Variants in PTPRU observed in about 807,000 individuals in gnomAD.
PTPRU encodes the protein receptor-type tyrosine-protein phosphatase U.
In PTPRU, 69 loss-of-function variants were observed where a neutral mutation model predicts 166.3. The observed-to-expected ratio is 0.41, with a 90% CI of 0.34 to 0.51. The LOEUF (loss-of-function observed/expected upper bound fraction) is 0.51. PTPRU is among the 20% of genes least tolerant of loss of function. The pLI is 0.09. For synonymous variants in PTPRU, 793 were observed against 814.0 expected (o/e 0.97, Z 0.44); for missense variants, 1,657 against 2,013.7 (o/e 0.82, Z 3.39).
At position 29,291,783 on chromosome 1, in the gene PTPRU, C is replaced by T. The variant is rs1162680818; in HGVS notation, c.2319-86C>T. 6.3e-6 allele frequency: 9 copies of T among 1,430,896 alleles called. No individual in the cohort carries two copies. Among genetic ancestry groups the T allele is most frequent in the Non-Finnish European group, 6.7e-6 (7 of 1,046,480 alleles). 88.6% of individuals were successfully genotyped at this position (1,430,896 alleles called of 1,614,324 possible). A position where few individuals can be genotyped will look rare whatever the true frequency, so the allele number is the denominator to read the frequency against. ...GCTGCTGGCTCCTGGCCTTGAGGTC[C>T]CCTTACTCCAGGGCCTCCCCAGCCA... is the stretch of plus-strand genomic sequence containing the variant. On this transcript the variant is annotated intron_variant, in intron 14 of 29. Coordinates refer to ENST00000373779, the MANE Select transcript of PTPRU (RefSeq NM_133178.4). The surrounding 1 kb of genome is among the most constrained non-coding windows in gnomAD (Gnocchi z 4.1).
rs1278410203 is a variant in PTPRU at position 29,237,637 on chromosome 1, C to CGGGCAGGGCCCGAGGCTCAGGGGA, written c.73+923_73+946dup. Reference sequence around the variant, plus strand: ...GCGGCGCCCCCTGGGCTGCCCGGGTCGGGCAGGGCCCGAGGCTCAGGGGAG... The same window carrying CGGGCAGGGCCCGAGGCTCAGGGGA: ...GCGGCGCCCCCTGGGCTGCCCGGGTCGGGCAGGGCCCGAGGCTCAGGGGAGGGCAGGGCCCGAGGCTCAGGGGAG... On this transcript the variant is annotated intron_variant, in intron 1 of 29. Coordinates refer to ENST00000373779, the MANE Select transcript of PTPRU (RefSeq NM_133178.4). The surrounding 1 kb of genome is among the most constrained non-coding windows in gnomAD (Gnocchi z 6.4). 3.1e-3 allele frequency among the ~76,000 whole-genome samples: 467 copies of CGGGCAGGGCCCGAGGCTCAGGGGA among 151,498 alleles called. 3 individuals are homozygous for CGGGCAGGGCCCGAGGCTCAGGGGA. Among genetic ancestry groups the CGGGCAGGGCCCGAGGCTCAGGGGA allele is most frequent in the African/African-American group, 9.9e-3 (412 of 41,448 alleles).
rs76135055 is a variant in PTPRU, at chr1:29,317,563, T to G, written c.3514-185T>G. On this transcript the variant is annotated intron_variant, in intron 24 of 29. Coordinates refer to ENST00000373779, the MANE Select transcript of PTPRU (RefSeq NM_133178.4). This position sits in a 1 kb window ranked among gnomAD's most constrained non-coding sequence, Gnocchi z 5.6. ...GTAGACTCTGGTCTCTAGAGCTCTA[T>G]CCAGGCCCTATAATGGCCTAGAGAC... is the stretch of plus-strand genomic sequence containing the variant. Among the ~76,000 whole-genome samples the G allele has an allele frequency of 0.012, 1,754 of 152,274 alleles. 35 individuals are homozygous for G. Among genetic ancestry groups the G allele is most frequent in the African/African-American group, 0.04 (1,643 of 41,550 alleles).
chr1:29,294,375 A>G (rs2319404), intron 15 of PTPRU, among the ~76,000 whole-genome samples: 47,910 of 152,096 alleles, frequency 0.31, 9,604 homozygotes, highest in East Asian at 0.64. Context: ...CTCTTTTTCC[A>G]TGAAATGCCT....
chr1:29,285,934 C>A (rs561304844), intron 14 of PTPRU, among the ~76,000 whole-genome samples: 66 of 152,348 alleles, frequency 4.3e-4, no homozygotes, highest in African/African-American at 1.5e-3. Flanking sequence ...CCCAAGGCTA[C>A]CCGGAGAGCC....
intron 1 of PTPRU, among the ~76,000 whole-genome samples, chr1:29,249,165 C>CAT (rs200421341): frequency 6.6e-5 from 10 of 151,900 alleles, no homozygotes; most frequent in South Asian, 2.1e-4. Flanking sequence ...TGTGCACACA[C>CAT]ACACACGCAC....
chr1:29,307,437 A>G (rs1471476394), intron 18 of PTPRU, among the ~76,000 whole-genome samples: 1 of 152,254 alleles, frequency 6.6e-6, no homozygotes. Context: ...ACTGGTCACA[A>G]CAGTCTGTCA....
chr1:29,270,218 A>G (rs1685501232), intron 7 of PTPRU, among the ~76,000 whole-genome samples: 1 of 152,192 alleles, frequency 6.6e-6, no homozygotes, highest in African/African-American at 2.4e-5. Context: ...GTAGGCTGGT[A>G]ATGACTGTAG....
chr1:29,277,220 C>T (rs1685844139), intron 8 of PTPRU, among the ~76,000 whole-genome samples: 1 of 152,186 alleles, frequency 6.6e-6, no homozygotes. Flanking sequence ...CATGCCTCAG[C>T]CTCCTGAGTA....
At chr1:29,293,536 G>A (rs1256753975) in intron 15 of PTPRU, among the ~76,000 whole-genome samples, 7 of 149,816 alleles carry the variant, frequency 4.7e-5, no homozygotes, top group Admixed American at 3.3e-4. Context: ...GTGCAGTGGC[G>A]CAATCTCCGC....
intron 28 of PTPRU, 97 bp downstream of exon 28, chr1:29,323,885 G>T: frequency 7.1e-7 from 1 of 1,411,292 alleles, no homozygotes; most frequent in South Asian, 1.4e-5. Flanking sequence ...GGACTGCAAA[G>T]CTGGCACCGA....
Position 29,325,705 on chromosome 1 carries a change from C to T in PTPRU, c.*44C>T, listed in dbSNP as rs780621948. ...CACCCACTGCACACTCAGGGCCAGA[C>T]CCACCATCCTGGACTGGCGAGGAAG... On this transcript the variant is annotated 3_prime_UTR_variant, in exon 30 of 30. Coordinates refer to ENST00000373779, the MANE Select transcript of PTPRU (RefSeq NM_133178.4). 2 of 1,515,538 alleles carry T rather than the reference C, an allele frequency of 1.3e-6. No individual in the cohort carries two copies. The highest frequency in any genetic ancestry group is 1.2e-5 in the South Asian group (1 of 81,316). The allele number at this position is 1,515,538 out of a possible 1,614,324, so 93.9% of individuals were successfully genotyped here.
rs1474241534 is a variant in PTPRU, at chr1:29,257,054, AGAG to A, written c.206-1447_206-1445del. On this transcript the variant is annotated intron_variant, in intron 2 of 29. Coordinates refer to ENST00000373779, the MANE Select transcript of PTPRU (RefSeq NM_133178.4). This position sits in a 1 kb window ranked among gnomAD's most constrained non-coding sequence, Gnocchi z 4.6. ...GGGAGATTCACACTCAGAGATGGAGAGAGGAGAAGGAAGAGCGACAGGGACAAA... is the reference window on the plus strand; with the variant it reads ...GGGAGATTCACACTCAGAGATGGAGAGAGAAGGAAGAGCGACAGGGACAAA... Among the ~76,000 whole-genome samples the A allele has an allele frequency of 2.6e-5, 4 of 152,052 alleles. No individual in the cohort carries two copies. Among genetic ancestry groups the A allele is most frequent in the African/African-American group, 4.8e-5 (2 of 41,380 alleles).
intron 7 of PTPRU, among the ~76,000 whole-genome samples, chr1:29,273,805 C>G (rs1393717742): frequency 2.0e-5 from 3 of 152,164 alleles, no homozygotes; most frequent in African/African-American, 2.4e-5. Flanking sequence ...GTAGCTCGCT[C>G]TCTCCTGAGG....
intron 8 of PTPRU, 38 bp from the exon 9 acceptor site, chr1:29,278,974 C>T (rs1271519189): frequency 6.6e-7 from 1 of 1,513,862 alleles, no homozygotes; most frequent in East Asian, 2.4e-5. Context: ...GGCACCAAAG[C>T]CCACTTTCCC....
At chr1:29,246,804 C>T (rs552026153) in intron 1 of PTPRU, among the ~76,000 whole-genome samples, 3 of 152,094 alleles carry the variant, frequency 2.0e-5, no homozygotes, top group Admixed American at 1.3e-4. Flanking sequence ...TTACTGGAGA[C>T]GAGGTTTCAC....
chr1:29,325,176 G>A lies in PTPRU; in HGVS notation c.4113-15G>A. On this transcript the variant is annotated splice_polypyrimidine_tract_variant and intron_variant, in intron 28 of 29. Coordinates refer to ENST00000373779, the MANE Select transcript of PTPRU (RefSeq NM_133178.4). ...TCCAAGGCCCCGCCCCTCAGCTTTT[G>A]CATCTCTCATTCAGAAACGGGGGAG... The A allele has an allele frequency of 6.2e-7, 1 of 1,614,010 alleles. No individual in the cohort carries two copies. Among genetic ancestry groups the A allele is most frequent in the Non-Finnish European group, 8.5e-7 (1 of 1,179,968 alleles).
rs1040812833 is a variant in PTPRU at position 29,286,220 on chromosome 1, C to T, written c.2318+1351C>T. On this transcript the variant is annotated intron_variant, in intron 14 of 29. Transcript: ENST00000373779. ...AGGGCGATACACTCTGATTTTTCCC[C>T]TCGTTGTTCCTGCACAGCTTTAAGA... is the stretch of plus-strand genomic sequence containing the variant. Among the ~76,000 whole-genome samples, 10 of 152,262 alleles carry T rather than the reference C, an allele frequency of 6.6e-5. No homozygotes were observed. In the South Asian group the frequency reaches 2.1e-3, roughly 32 times the overall value.
At position 29,279,661 on chromosome 1, in the gene PTPRU, AG is replaced by A; in HGVS notation, c.1765+5del. On this transcript the variant is annotated splice_donor_5th_base_variant and intron_variant, in intron 10 of 29. Coordinates refer to ENST00000373779, the MANE Select transcript of PTPRU (RefSeq NM_133178.4). The surrounding 1 kb of genome is among the most constrained non-coding windows in gnomAD (Gnocchi z 5.2). Reference sequence around the variant, plus strand: ...GAGATAACCACTAACATCTCTGGTGAGCCCCACCTGACCCGGCCCAGCCTCT... The same window carrying A: ...GAGATAACCACTAACATCTCTGGTGACCCCACCTGACCCGGCCCAGCCTCT... 1 of 1,610,030 alleles carries A rather than the reference AG, an allele frequency of 6.2e-7. No individual in the cohort carries two copies. Among genetic ancestry groups the A allele is most frequent in the Non-Finnish European group, 8.5e-7 (1 of 1,179,852 alleles).
chr1:29,302,958 G>A (rs74506115), intron 15 of PTPRU, among the ~76,000 whole-genome samples: 1,691 of 152,258 alleles, frequency 0.011, 24 homozygotes, highest in African/African-American at 0.039. Flanking sequence ...GGTTTGTAGC[G>A]TAGGAGCAAT....
Sources: gnomAD v4.1 joint callset for allele counts (sites outside exome capture counted in the v4.1 genomes callset) on GRCh38, gnomAD v4.1.1 for gene constraint, Gnocchi (gnomAD v3.1) non-coding constraint, MANE v1.5 for transcripts, NCBI Gene and HGNC (gene_info 2026-07-23, HGNC 2026-07-21) for gene names.